DPP10: variants seen among roughly 807,000 people sequenced by gnomAD.
DPP10 encodes the protein inactive dipeptidyl peptidase 10.
DPP10 carries 33 observed loss-of-function variants against 120.9 expected under a neutral mutation model. That is an observed-to-expected ratio of 0.27 (90% CI 0.21 to 0.37). The LOEUF (loss-of-function observed/expected upper bound fraction) is 0.37. DPP10 is among the 10% of genes least tolerant of loss of function. The pLI is 1.00. For missense variants in DPP10, 816 were observed against 942.8 expected, an observed-to-expected ratio of 0.87 and a Z score of 1.76; for synonymous variants, 337 against 326.1, an observed-to-expected ratio of 1.03 and a Z score of -0.36.
chr2:115,134,213 C>A (rs2050530108), intron 1 of DPP10, among the ~76,000 whole-genome samples: 1 of 152,106 alleles, frequency 6.6e-6, no homozygotes, highest in Non-Finnish European at 1.5e-5. Flanking sequence ...TCACAGAACT[C>A]CTTCTGAAGA....
chr2:114,518,235 G>A (rs1314325068), intron 1 of DPP10, among the ~76,000 whole-genome samples: 6 of 151,744 alleles, frequency 4.0e-5, no homozygotes, highest in East Asian at 3.9e-4. Context: ...CCACCACCAC[G>A]CCTGGCTAAT....
At chr2:115,104,984 C>T (rs1040461398) in intron 1 of DPP10, among the ~76,000 whole-genome samples, 18 of 150,282 alleles carry the variant, frequency 1.2e-4, no homozygotes, top group Admixed American at 4.6e-4. Context: ...CCAGCCTGGG[C>T]GACAGAACAA....
chr2:115,672,260 T>G (rs1313772182), intron 5 of DPP10, among the ~76,000 whole-genome samples: 2 of 152,106 alleles, frequency 1.3e-5, no homozygotes, highest in Non-Finnish European at 2.9e-5. Flanking sequence ...GCTGGTTGGA[T>G]GGTTAATTAA....
intron 1 of DPP10, among the ~76,000 whole-genome samples, chr2:115,155,591 T>A (rs1356638763): frequency 1.3e-5 from 2 of 152,246 alleles, no homozygotes; most frequent in Admixed American, 6.5e-5. Context: ...CTCTGATGCT[T>A]ACGGTCTAAT....
At chr2:115,533,981 G>T (rs958638595) in intron 5 of DPP10, among the ~76,000 whole-genome samples, 2 of 151,912 alleles carry the variant, frequency 1.3e-5, no homozygotes, top group African/African-American at 4.8e-5. Context: ...CAAAAAGGAA[G>T]GAAAGAAGTA....
intron 1 of DPP10, among the ~76,000 whole-genome samples, chr2:115,212,508 C>T (rs1352844814): frequency 6.6e-6 from 1 of 152,062 alleles, no homozygotes; most frequent in Non-Finnish European, 1.5e-5. Flanking sequence ...TGCTGGCACT[C>T]AGAGAGTTAC....
At chr2:115,459,647 G>C (rs1574911692) in intron 3 of DPP10, among the ~76,000 whole-genome samples, 1 of 151,744 alleles carries the variant, frequency 6.6e-6, no homozygotes, top group Non-Finnish European at 1.5e-5. Flanking sequence ...ACTCTCTAGG[G>C]ATAAAAAAGC....
At chr2:115,244,253 G>T (rs1253752756) in intron 1 of DPP10, among the ~76,000 whole-genome samples, 4,427 of 106,668 alleles carry the variant, frequency 0.042, 86 homozygotes, top group African/African-American at 0.061. Context: ...GAGAGAGAGA[G>T]AGAGAGAGAG....
At chr2:114,674,358 T>G (rs1698537058) in intron 1 of DPP10, among the ~76,000 whole-genome samples, 1 of 152,126 alleles carries the variant, frequency 6.6e-6, no homozygotes, top group South Asian at 2.1e-4. Context: ...ATGATTTTGT[T>G]TACTTCATCT....
chr2:115,511,734 T>TTC (rs1558778689), intron 4 of DPP10, among the ~76,000 whole-genome samples: 13 of 140,392 alleles, frequency 9.3e-5, no homozygotes, highest in East Asian at 8.6e-4. Flanking sequence ...TCTTCTTCTT[T>TTC]TTTTTTTTTT....
At chr2:115,187,992 C>A (rs2054578689) in intron 1 of DPP10, among the ~76,000 whole-genome samples, 1 of 151,006 alleles carries the variant, frequency 6.6e-6, no homozygotes, top group African/African-American at 2.4e-5. Flanking sequence ...TGCACTGAAG[C>A]CTGGGCAACA....
chr2:115,018,395 A>C (rs1558998491), intron 1 of DPP10, among the ~76,000 whole-genome samples: 1 of 152,200 alleles, frequency 6.6e-6, no homozygotes, highest in Non-Finnish European at 1.5e-5. Flanking sequence ...TCTACTATAA[A>C]GACATATGCA....
At chr2:115,305,764 A>G (rs901042082) in intron 1 of DPP10, among the ~76,000 whole-genome samples, 1 of 151,902 alleles carries the variant, frequency 6.6e-6, no homozygotes, top group African/African-American at 2.4e-5. Flanking sequence ...AATTAAAAAA[A>G]AAATAAAATT....
intron 5 of DPP10, among the ~76,000 whole-genome samples, chr2:115,637,867 C>T (rs1575409753): frequency 6.6e-6 from 1 of 152,162 alleles, no homozygotes. Context: ...TCTGTGACCT[C>T]TAGTACCACC....
chr2:114,809,208 T>C (rs1684985124), intron 1 of DPP10, among the ~76,000 whole-genome samples: 1 of 152,172 alleles, frequency 6.6e-6, no homozygotes, highest in Non-Finnish European at 1.5e-5. Context: ...AAATTTTGTG[T>C]CCTAGATTGG....
chr2:115,483,437 G>A (rs967859), intron 3 of DPP10, among the ~76,000 whole-genome samples: 78,730 of 145,134 alleles, frequency 0.54, 23,068 homozygotes, highest in Non-Finnish European at 0.67. Flanking sequence ...CTATCTGTCT[G>A]TCTATCTATC....
intron 1 of DPP10, among the ~76,000 whole-genome samples, chr2:114,729,195 T>C (rs752315365): frequency 3.9e-5 from 6 of 152,244 alleles, no homozygotes; most frequent in Non-Finnish European, 5.9e-5. Context: ...GAGTACCTAA[T>C]GCATTCAACC....
chr2:114,958,924 ACT>A (rs1300768908), intron 1 of DPP10, among the ~76,000 whole-genome samples: 1 of 152,050 alleles, frequency 6.6e-6, no homozygotes, highest in African/African-American at 2.4e-5. Flanking sequence ...GATGTAGATC[ACT>A]CTATTATTTC....
At chr2:114,590,869 C>T (rs1271328350) in intron 1 of DPP10, among the ~76,000 whole-genome samples, 1 of 152,096 alleles carries the variant, frequency 6.6e-6, no homozygotes, top group Non-Finnish European at 1.5e-5. Context: ...TAAATAATGG[C>T]TGTATTTAAC....
Sources: allele counts gnomAD v4.1 joint callset (sites outside exome capture counted in the v4.1 genomes callset), GRCh38; gene constraint gnomAD v4.1.1; transcripts MANE v1.5; gene names NCBI Gene and HGNC (gene_info 2026-07-23, HGNC 2026-07-21).